PLCL2: variants seen among roughly 807,000 people sequenced by gnomAD.
PLCL2 encodes phospholipase C like 2.
Under a neutral mutation model 79.6 loss-of-function variants are expected in PLCL2, and 4 were observed. The observed-to-expected ratio is 0.05, with a 90% CI of 0.02 to 0.11. PLCL2 has a LOEUF of 0.11. Among genes scored for constraint, PLCL2 ranks in the 10% least tolerant of loss-of-function variants. The pLI, the probability that PLCL2 is intolerant of heterozygous loss-of-function variation, is 1.00. For synonymous variants in PLCL2, 484 were observed against 457.7 expected (o/e 1.06, Z -0.73); for missense variants, 895 against 1,291.0 (o/e 0.69, Z 4.70).
chr3:16,930,478 C>G (rs1265920876), intron 1 of PLCL2, among the ~76,000 whole-genome samples: 1 of 152,150 alleles, frequency 6.6e-6, no homozygotes, highest in East Asian at 1.9e-4. Context: ...AGGACCTTTG[C>G]TGATTATATC....
intron 1 of PLCL2, among the ~76,000 whole-genome samples, chr3:16,901,582 G>A (rs1351102322): frequency 6.6e-6 from 1 of 152,170 alleles, no homozygotes; most frequent in Non-Finnish European, 1.5e-5. Context: ...CCTGTACACT[G>A]GTCCTCCTCT....
intron 1 of PLCL2, among the ~76,000 whole-genome samples, chr3:16,990,121 G>A (rs57213907): frequency 0.036 from 5,058 of 140,990 alleles, 270 homozygotes; most frequent in African/African-American, 0.12. Context: ...TGACGATGAC[G>A]ATGATGGTGA....
At chr3:16,958,832 G>C (rs746433378) in intron 1 of PLCL2, among the ~76,000 whole-genome samples, 1 of 152,230 alleles carries the variant, frequency 6.6e-6, no homozygotes, top group African/African-American at 2.4e-5. Context: ...TGGGTTTGCA[G>C]AACTGCCAGA....
At chr3:17,074,041 T>G (rs1299258633) in intron 5 of PLCL2, among the ~76,000 whole-genome samples, 3 of 152,240 alleles carry the variant, frequency 2.0e-5, no homozygotes, top group Admixed American at 6.5e-5. Context: ...AATGGCGTCT[T>G]AGAATGGTGA....
intron 1 of PLCL2, among the ~76,000 whole-genome samples, chr3:16,890,530 A>AT (rs1180348761): frequency 5.9e-5 from 9 of 152,246 alleles, no homozygotes; most frequent in Non-Finnish European, 1.2e-4. Context: ...AAGTATGAAC[A>AT]TTTATAGTTT....
At chr3:17,051,440 A>G (rs2064837623) in intron 4 of PLCL2, among the ~76,000 whole-genome samples, 1 of 152,306 alleles carries the variant, frequency 6.6e-6, no homozygotes, top group Non-Finnish European at 1.5e-5. Context: ...CTATGCACCT[A>G]TAAAAATTTA....
chr3:16,921,004 T>G (rs1046225434), intron 1 of PLCL2, among the ~76,000 whole-genome samples: 2 of 152,312 alleles, frequency 1.3e-5, no homozygotes, highest in African/African-American at 2.4e-5. Flanking sequence ...CAAAACAGAT[T>G]AAGGCCATTT....
At chr3:16,966,544 G>T (rs2063808574) in intron 1 of PLCL2, among the ~76,000 whole-genome samples, 1 of 152,128 alleles carries the variant, frequency 6.6e-6, no homozygotes, top group South Asian at 2.1e-4. Context: ...AAATGAGTTA[G>T]GGAGGATACC....
intron 1 of PLCL2, among the ~76,000 whole-genome samples, chr3:16,990,214 A>G (rs750635040): frequency 1.3e-5 from 2 of 152,178 alleles, no homozygotes; most frequent in Non-Finnish European, 2.9e-5. Context: ...GGGCATTTCT[A>G]CCTTATCTTG....
chr3:17,079,822 G>A (rs1458085300), intron 5 of PLCL2, among the ~76,000 whole-genome samples: 2 of 152,174 alleles, frequency 1.3e-5, no homozygotes, highest in African/African-American at 4.8e-5. Context: ...TGAATGTGAT[G>A]ACAGCCCAAA....
At chr3:17,046,156 C>T (rs555917183) in intron 4 of PLCL2, among the ~76,000 whole-genome samples, 1 of 152,266 alleles carries the variant, frequency 6.6e-6, no homozygotes, top group East Asian at 1.9e-4. Flanking sequence ...CGAACACATG[C>T]ATACATGTTC....
chr3:17,035,743 T>G (rs772351151), intron 3 of PLCL2: 5 of 515,592 alleles, frequency 9.7e-6, no homozygotes, highest in African/African-American at 1.9e-5. Context: ...CCCTCACTCC[T>G]CTTCTATCCA....
chr3:17,085,452 C>A (rs538702211), intron 5 of PLCL2, among the ~76,000 whole-genome samples: 1 of 142,772 alleles, frequency 7.0e-6, no homozygotes, highest in Admixed American at 7.1e-5. Flanking sequence ...TTTTTTAAGG[C>A]GGAGTCTCAC....
intron 1 of PLCL2, among the ~76,000 whole-genome samples, chr3:16,900,597 C>T (rs1396478149): frequency 3.3e-5 from 5 of 152,118 alleles, no homozygotes; most frequent in Non-Finnish European, 7.4e-5. Flanking sequence ...AACTTCATAA[C>T]CAAAAAAGTC....
At chr3:16,989,157 A>G (rs2064080196) in intron 1 of PLCL2, among the ~76,000 whole-genome samples, 1 of 152,154 alleles carries the variant, frequency 6.6e-6, no homozygotes, top group Non-Finnish European at 1.5e-5. Flanking sequence ...GACCTACAAA[A>G]TGTTATTCTT....
At chr3:17,082,790 T>C (rs2065177342) in intron 5 of PLCL2, among the ~76,000 whole-genome samples, 1 of 152,118 alleles carries the variant, frequency 6.6e-6, no homozygotes. Flanking sequence ...AGACATAACT[T>C]TTCGTGAAGA....
intron 1 of PLCL2, among the ~76,000 whole-genome samples, chr3:17,002,263 T>C (rs1333907747): frequency 6.6e-6 from 1 of 152,128 alleles, no homozygotes; most frequent in Non-Finnish European, 1.5e-5. Flanking sequence ...AGTTTGTTGA[T>C]GGAGTCTTTA....
At chr3:17,031,024 G>C (rs1162921120) in intron 3 of PLCL2, among the ~76,000 whole-genome samples, 2 of 152,068 alleles carry the variant, frequency 1.3e-5, no homozygotes, top group Non-Finnish European at 2.9e-5. Context: ...AGAACTAAAG[G>C]GTCCTTAGTG....
At chr3:16,935,019 G>A (rs115845400) in intron 1 of PLCL2, among the ~76,000 whole-genome samples, 1 of 152,172 alleles carries the variant, frequency 6.6e-6, no homozygotes, top group African/African-American at 2.4e-5. Flanking sequence ...CTCCAGAAAG[G>A]CTAATACGCC....
Sources: allele counts gnomAD v4.1 joint callset (sites outside exome capture counted in the v4.1 genomes callset), GRCh38; gene constraint gnomAD v4.1.1; transcripts MANE v1.5; gene names NCBI Gene and HGNC (gene_info 2026-07-23, HGNC 2026-07-21).